The following ANO6 variants were observed in gnomAD, a reference collection of about 807,000 sequenced individuals.
The protein encoded by ANO6 is anoctamin-6.
ANO6 carries 106 observed loss-of-function variants against 117.5 expected under a neutral mutation model. That is an observed-to-expected ratio of 0.90 (90% CI 0.77 to 1.06). The LOEUF (loss-of-function observed/expected upper bound fraction) is 1.06. Among genes scored for constraint, ANO6 ranks in the 50% least tolerant of loss-of-function variants. The pLI is 0.00. For synonymous variants in ANO6, 367 were observed against 385.1 expected, an observed-to-expected ratio of 0.95 and a Z score of 0.55; for missense variants, 955 against 1,121.1, an observed-to-expected ratio of 0.85 and a Z score of 2.12.
chr12:45,223,628 T>C (rs1315398169), intron 1 of ANO6, among the ~76,000 whole-genome samples: 1 of 152,246 alleles, frequency 6.6e-6, no homozygotes, highest in Non-Finnish European at 1.5e-5. Flanking sequence ...GTCTTTGTTA[T>C]TCATTATCTT....
chr12:45,292,740 A>C (rs941199106), intron 1 of ANO6: 4 of 1,414,950 alleles, frequency 2.8e-6, no homozygotes, highest in African/African-American at 2.9e-5. Context: ...AGCTGAAACA[A>C]CACCAAACAT....
chr12:45,406,432 A>G (rs547239473), intron 15 of ANO6, among the ~76,000 whole-genome samples: 22 of 152,344 alleles, frequency 1.4e-4, no homozygotes, highest in African/African-American at 5.1e-4. Flanking sequence ...AGAAATTTTT[A>G]TAACAAAATG....
intron 9 of ANO6, among the ~76,000 whole-genome samples, chr12:45,368,150 A>T (rs1353654104): frequency 6.6e-6 from 1 of 152,192 alleles, no homozygotes; most frequent in African/African-American, 2.4e-5. Context: ...AATGCTTGGG[A>T]TCCAAGGTGT....
chr12:45,317,113 G>GTGTGTATATATA, intron 2 of ANO6, among the ~76,000 whole-genome samples: 1,023 of 66,532 alleles, frequency 0.015, 144 homozygotes, highest in East Asian at 0.11. Flanking sequence ...CTTTTTATAT[G>GTGTGTATATATA]TATATATATA....
intron 10 of ANO6, among the ~76,000 whole-genome samples, chr12:45,379,805 T>C (rs1369678647): frequency 1.1e-4 from 17 of 152,238 alleles, no homozygotes; most frequent in Admixed American, 1.0e-3. Context: ...ACTTACACAT[T>C]AGCTGCTGAT....
At chr12:45,299,937 A>G (rs1012880303) in intron 1 of ANO6, among the ~76,000 whole-genome samples, 1 of 152,194 alleles carries the variant, frequency 6.6e-6, no homozygotes, top group Non-Finnish European at 1.5e-5. Flanking sequence ...GTATTTGGTA[A>G]CTGAATTGGC....
intron 1 of ANO6, among the ~76,000 whole-genome samples, chr12:45,281,541 AGAG>A (rs1938735363): frequency 6.6e-6 from 1 of 152,186 alleles, no homozygotes; most frequent in South Asian, 2.1e-4. Context: ...AGCAAGAGAG[AGAG>A]GAGAATACCA....
chr12:45,292,982 G>C (rs1408815008), intron 1 of ANO6: 3 of 1,550,630 alleles, frequency 1.9e-6, no homozygotes, highest in Non-Finnish European at 2.6e-6. Context: ...GTGAGCAGTG[G>C]GCAGAGTGCC....
intron 1 of ANO6, among the ~76,000 whole-genome samples, chr12:45,285,168 T>C (rs983944491): frequency 3.3e-5 from 5 of 152,168 alleles, no homozygotes; most frequent in African/African-American, 1.2e-4. Flanking sequence ...AGGTTGGGAT[T>C]CTAGAAGAAA....
At chr12:45,419,118 T>C (rs1392417695) in intron 17 of ANO6, among the ~76,000 whole-genome samples, 1 of 152,210 alleles carries the variant, frequency 6.6e-6, no homozygotes, top group African/African-American at 2.4e-5. Flanking sequence ...ATAAGCTGAA[T>C]TGACATTGTT....
At chr12:45,329,651 GAAC>G (rs1156684417) in intron 2 of ANO6, among the ~76,000 whole-genome samples, 2 of 152,110 alleles carry the variant, frequency 1.3e-5, no homozygotes, top group Non-Finnish European at 2.9e-5. Flanking sequence ...GGGCTACAGA[GAAC>G]AAGTTGCTTT....
Position 45,367,813 on chromosome 12 carries a change from A to G in ANO6, c.1104+20A>G. On this transcript the variant is annotated intron_variant, in intron 9 of 19. Transcript: ENST00000320560. ...TCAAAGGTAATTTTTGCTATTGCCA[A>G]TATTTACACCTAATGAAAGATTTTT... 6.4e-7 allele frequency: 1 copy of G among 1,554,808 alleles called. No individual in the cohort carries two copies. The highest frequency in any genetic ancestry group is 8.9e-7 in the Non-Finnish European group (1 of 1,126,518).
At chr12:45,403,860 T>C (rs1471576789) in intron 15 of ANO6, among the ~76,000 whole-genome samples, 15 of 152,226 alleles carry the variant, frequency 9.9e-5, no homozygotes, top group Admixed American at 5.2e-4. Flanking sequence ...AGCTGTGAAC[T>C]GTGTATTTCC....
At chr12:45,336,969 G>C (rs960325457) in intron 3 of ANO6, among the ~76,000 whole-genome samples, 5 of 151,952 alleles carry the variant, frequency 3.3e-5, no homozygotes, top group African/African-American at 1.2e-4. Context: ...TCCTGACCCT[G>C]TGTAGGCCTA....
chr12:45,421,259 C>A lies in ANO6; in HGVS notation c.2406C>A (p.Asn802Lys). 2 of 1,614,100 alleles carry A rather than the reference C, an allele frequency of 1.2e-6. No homozygotes were observed. The highest frequency in any genetic ancestry group is 1.7e-6 in the Non-Finnish European group (2 of 1,179,974). Residue 802 changes from asparagine to lysine, a missense_variant, in exon 18 of 20, where the codon AAC becomes AAA. Physicochemically the swap from Asn to Lys is moderately conservative, Grantham distance 94. Transcript: ENST00000320560. ...GAAACCCGTACTCTGACCTGGGTAA[C>A]CATACCACATGCAGGCAAGTTCTGC... is the stretch of plus-strand genomic sequence containing the variant. ...SKGNPYSDLG[N>K]HTTCRYRDFR...
chr12:45,302,996 C>T (rs1364153201), intron 2 of ANO6, among the ~76,000 whole-genome samples: 1 of 151,994 alleles, frequency 6.6e-6, no homozygotes, highest in African/African-American at 2.4e-5. Context: ...TGGTAAAGAC[C>T]AAAAAAACCT....
chr12:45,337,242 A>G (rs1940852995), intron 3 of ANO6, among the ~76,000 whole-genome samples: 3 of 152,070 alleles, frequency 2.0e-5, no homozygotes, highest in Admixed American at 2.0e-4. Context: ...TCCATTCATG[A>G]TAACTGCCCT....
chr12:45,227,052 G>C (rs936617674), intron 1 of ANO6, among the ~76,000 whole-genome samples: 2 of 143,182 alleles, frequency 1.4e-5, no homozygotes, highest in African/African-American at 5.3e-5. Flanking sequence ...GCAGTGGCAC[G>C]ATCTTGGCTC....
chr12:45,289,668 AGAGTTT>A (rs1939032543), intron 1 of ANO6, among the ~76,000 whole-genome samples: 1 of 152,214 alleles, frequency 6.6e-6, no homozygotes, highest in African/African-American at 2.4e-5. Context: ...TTTCTGAGTT[AGAGTTT>A]ATTTGTAGCT....
Sources: gnomAD v4.1 joint callset for allele counts (sites outside exome capture counted in the v4.1 genomes callset) on GRCh38, gnomAD v4.1.1 for gene constraint, MANE v1.5 for transcripts, NCBI Gene and HGNC (gene_info 2026-07-23, HGNC 2026-07-21) for gene names.